Variants in DLG1 observed in about 807,000 individuals in gnomAD.
The protein encoded by DLG1 is discs large MAGUK scaffold protein 1.
A neutral mutation model predicts 123.4 loss-of-function variants in DLG1; 42 were observed. The observed-to-expected ratio is 0.34, with a 90% CI of 0.27 to 0.44. The LOEUF is 0.44. DLG1 is among the 20% of genes least tolerant of loss of function. DLG1 has a pLI of 1.00. For synonymous variants in DLG1, 317 were observed against 356.2 expected, an observed-to-expected ratio of 0.89 and a Z score of 1.24; for missense variants, 942 against 1,082.6, an observed-to-expected ratio of 0.87 and a Z score of 1.82.
chr3:197,119,296 C>T (rs2149432025), intron 12 of DLG1, 114 bp downstream of exon 12: 6 of 831,726 alleles, frequency 7.2e-6, no homozygotes, highest in Non-Finnish European at 1.0e-5. Flanking sequence ...TTTAAGCTCA[C>T]TAACTGTCAA....
chr3:197,253,512 A>G (rs1755423403), intron 4 of DLG1, among the ~76,000 whole-genome samples: 4 of 152,192 alleles, frequency 2.6e-5, no homozygotes, highest in Admixed American at 2.6e-4. Flanking sequence ...AAACAAGCAA[A>G]CATGCAACTA....
intron 15 of DLG1, among the ~76,000 whole-genome samples, chr3:197,087,097 T>TC (rs1210693914): frequency 2.0e-5 from 3 of 152,184 alleles, no homozygotes; most frequent in Non-Finnish European, 4.4e-5. Flanking sequence ...CACAAAACCT[T>TC]CATCAGTAAT....
At chr3:197,185,540 A>C (rs1023358714) in intron 5 of DLG1, among the ~76,000 whole-genome samples, 2 of 152,192 alleles carry the variant, frequency 1.3e-5, no homozygotes, top group Non-Finnish European at 2.9e-5. Context: ...ATGTAAGAAA[A>C]TACTAAGGGC....
intron 4 of DLG1, among the ~76,000 whole-genome samples, chr3:197,199,051 T>C (rs976354636): frequency 2.6e-5 from 4 of 152,166 alleles, no homozygotes; most frequent in African/African-American, 9.7e-5. Flanking sequence ...TTACACTATA[T>C]GAGTACCTTC....
At chr3:197,081,926 T>C (rs1398817433) in intron 16 of DLG1, among the ~76,000 whole-genome samples, 1 of 152,236 alleles carries the variant, frequency 6.6e-6, no homozygotes, top group East Asian at 1.9e-4. Context: ...TAAGCTTTCA[T>C]AAATTCTCCA....
chr3:197,054,013 C>T (rs1320063882), intron 23 of DLG1, among the ~76,000 whole-genome samples: 1 of 150,188 alleles, frequency 6.7e-6, no homozygotes, highest in Non-Finnish European at 1.5e-5. Flanking sequence ...GCTGCTTGAG[C>T]CCAGGAAGTT....
intron 12 of DLG1, among the ~76,000 whole-genome samples, chr3:197,116,387 T>C (rs2149406520): frequency 6.6e-6 from 1 of 152,272 alleles, no homozygotes; most frequent in South Asian, 2.1e-4. Context: ...CACATACTCA[T>C]GAAAAGCTGA....
At chr3:197,259,217 T>TCTG (rs1467930336) in intron 4 of DLG1, among the ~76,000 whole-genome samples, 1 of 152,156 alleles carries the variant, frequency 6.6e-6, no homozygotes, top group African/African-American at 2.4e-5. Context: ...ATGTGCCCTT[T>TCTG]AAACATTCAG....
intron 4 of DLG1, among the ~76,000 whole-genome samples, chr3:197,246,833 T>C (rs1751944948): frequency 6.6e-6 from 1 of 152,190 alleles, no homozygotes; most frequent in Non-Finnish European, 1.5e-5. Context: ...GCTGTATTGT[T>C]ACCATCCCAT....
intron 4 of DLG1, among the ~76,000 whole-genome samples, chr3:197,216,316 T>C (rs1371282470): frequency 6.6e-6 from 1 of 152,238 alleles, no homozygotes; most frequent in Non-Finnish European, 1.5e-5. Flanking sequence ...TTGGCCTGCG[T>C]TGAAAGATTC....
intron 4 of DLG1, among the ~76,000 whole-genome samples, chr3:197,202,373 G>C (rs1218602814): frequency 6.6e-6 from 1 of 152,064 alleles, no homozygotes; most frequent in East Asian, 1.9e-4. Flanking sequence ...CAAATGTTTT[G>C]GAAGGAAAAA....
At chr3:197,278,848 C>T (rs1396097538) in intron 4 of DLG1, among the ~76,000 whole-genome samples, 3 of 152,042 alleles carry the variant, frequency 2.0e-5, no homozygotes, top group Non-Finnish European at 4.4e-5. Context: ...CTACTTTTAG[C>T]AAAAATAATC....
At chr3:197,161,102 A>G (rs1174320664) in intron 5 of DLG1, among the ~76,000 whole-genome samples, 1 of 152,230 alleles carries the variant, frequency 6.6e-6, no homozygotes, top group East Asian at 1.9e-4. Flanking sequence ...ATTTTACAAC[A>G]GATTTACAGA....
intron 4 of DLG1, among the ~76,000 whole-genome samples, chr3:197,194,975 C>T (rs981159589): frequency 6.6e-6 from 1 of 151,954 alleles, no homozygotes; most frequent in East Asian, 1.9e-4. Context: ...TAAAAGTCAG[C>T]CATTTTAATT....
intron 7 of DLG1, 78 bp downstream of exon 7, chr3:197,142,640 A>C (rs1455856817): frequency 1.9e-6 from 2 of 1,063,162 alleles, no homozygotes; most frequent in East Asian, 2.8e-5. Context: ...TTTTTGAGAG[A>C]TCTCCCTTGG....
intron 11 of DLG1, among the ~76,000 whole-genome samples, chr3:197,119,790 AGAATTATAT>A (rs770299580): frequency 2.6e-5 from 4 of 152,188 alleles, no homozygotes; most frequent in Non-Finnish European, 4.4e-5. Flanking sequence ...GATTACTTAA[AGAATTATAT>A]ACAGTCCAAA....
chr3:197,154,660 G>A (rs1795534378), intron 5 of DLG1, among the ~76,000 whole-genome samples: 1 of 151,858 alleles, frequency 6.6e-6, no homozygotes, highest in Admixed American at 6.6e-5. Flanking sequence ...GGGTGACAGA[G>A]CCAGACTCTG....
chr3:197,115,633 G>A (rs1772837072), intron 13 of DLG1, among the ~76,000 whole-genome samples: 3 of 152,250 alleles, frequency 2.0e-5, no homozygotes, highest in Admixed American at 6.5e-5. Flanking sequence ...AAAGTATAAA[G>A]AAGTACACAA....
intron 22 of DLG1, among the ~76,000 whole-genome samples, chr3:197,062,096 C>A (rs1736226647): frequency 6.6e-6 from 1 of 152,126 alleles, no homozygotes; most frequent in East Asian, 1.9e-4. Context: ...CATACAGATG[C>A]TCCTTATGAT....
Sources: allele counts gnomAD v4.1 joint callset (sites outside exome capture counted in the v4.1 genomes callset), GRCh38; gene constraint gnomAD v4.1.1; transcripts MANE v1.5; gene names NCBI Gene and HGNC (gene_info 2026-07-23, HGNC 2026-07-21).